KLHL3: variants seen among roughly 807,000 people sequenced by gnomAD.
KLHL3 encodes the protein kelch like family member 3.
KLHL3 carries 19 observed loss-of-function variants against 70.5 expected under a neutral mutation model. The observed-to-expected ratio is 0.27, with a 90% CI of 0.19 to 0.40. KLHL3 has a LOEUF of 0.40. Ranked by LOEUF, KLHL3 falls within the 10% of genes least tolerant of loss-of-function variation. The pLI, the probability that KLHL3 is intolerant of heterozygous loss-of-function variation, is 1.00. For missense variants in KLHL3, 512 were observed against 771.1 expected (o/e 0.66, Z 3.98); for synonymous variants, 258 against 290.3 (o/e 0.89, Z 1.13).
intron 8 of KLHL3, among the ~76,000 whole-genome samples, chr5:137,650,736 C>T (rs943417568): frequency 2.0e-5 from 3 of 151,442 alleles, no homozygotes; most frequent in African/African-American, 7.3e-5. Context: ...GCAGGAGAAT[C>T]GCTTGAACCC....
chr5:137,694,761 C>A (rs1304626764), intron 4 of KLHL3, among the ~76,000 whole-genome samples: 1 of 152,146 alleles, frequency 6.6e-6, no homozygotes, highest in Admixed American at 6.5e-5. Context: ...TCTCAGAAGG[C>A]CCCTCGCTTC....
intron 8 of KLHL3, among the ~76,000 whole-genome samples, chr5:137,655,351 A>C (rs767700457): frequency 6.6e-6 from 1 of 152,218 alleles, no homozygotes; most frequent in Non-Finnish European, 1.5e-5. Context: ...CATCATTTGC[A>C]ATACCAATAA....
intron 1 of KLHL3, among the ~76,000 whole-genome samples, chr5:137,723,563 T>C (rs1209026110): frequency 6.6e-6 from 1 of 152,220 alleles, no homozygotes; most frequent in Non-Finnish European, 1.5e-5. Flanking sequence ...TAAAATGTAG[T>C]TTTTGCAAAT....
chr5:137,733,269 C>G (rs929919881), intron 1 of KLHL3, among the ~76,000 whole-genome samples: 1 of 152,174 alleles, frequency 6.6e-6, no homozygotes, highest in African/African-American at 2.4e-5. Flanking sequence ...AAGTCAGTTA[C>G]CCGTGCTAAG....
At chr5:137,712,325 C>T (rs1344356889) in intron 2 of KLHL3, among the ~76,000 whole-genome samples, 1 of 151,932 alleles carries the variant, frequency 6.6e-6, no homozygotes, top group Non-Finnish European at 1.5e-5. Context: ...GGGAGCCTGA[C>T]AATTTTTGAA....
intron 11 of KLHL3, among the ~76,000 whole-genome samples, chr5:137,635,796 C>T (rs1414156486): frequency 6.6e-6 from 1 of 152,170 alleles, no homozygotes; most frequent in African/African-American, 2.4e-5. Flanking sequence ...GTCAACAGGG[C>T]ATGCTACAAG....
chr5:137,671,013 A>G (rs1395403084), intron 6 of KLHL3, among the ~76,000 whole-genome samples: 1 of 151,712 alleles, frequency 6.6e-6, no homozygotes, highest in African/African-American at 2.4e-5. Flanking sequence ...CCAAACACCT[A>G]TAAACATCTT....
At chr5:137,728,561 A>G (rs1416336062) in intron 1 of KLHL3, among the ~76,000 whole-genome samples, 1 of 152,194 alleles carries the variant, frequency 6.6e-6, no homozygotes, top group East Asian at 1.9e-4. Flanking sequence ...AGAGAAAGCC[A>G]GCAACAACTA....
rs1439332823 is a variant in KLHL3, at chr5:137,625,753, C to G, written c.1735G>C (p.Gly579Arg). Reference protein sequence around the residue: ...TNMSTGRSYAGVAVIHKSL With the variant: ...TNMSTGRSYARVAVIHKSL ...GGGCATGGAGATGGCACACACTGAC[C>G]TGCATAGCTCCGCCCCGTGCTCATG... The change falls in exon 14 of 15, where the codon GGT (glycine) becomes CGT (arginine). Residue 579 changes from glycine (G) to arginine (R), a missense_variant and splice_region_variant. Transcript: ENST00000309755. The G allele has an allele frequency of 6.2e-7, 1 of 1,614,152 alleles. No homozygotes were observed. Among genetic ancestry groups the G allele is most frequent in the Admixed American group, 1.7e-5 (1 of 60,028 alleles).
intron 11 of KLHL3, among the ~76,000 whole-genome samples, chr5:137,636,794 C>T (rs1437147633): frequency 6.6e-6 from 1 of 152,206 alleles, no homozygotes; most frequent in Non-Finnish European, 1.5e-5. Flanking sequence ...ACACAGCTTT[C>T]CTGACTAGAA....
At chr5:137,695,309 T>C (rs1752420714) in intron 4 of KLHL3, among the ~76,000 whole-genome samples, 1 of 152,128 alleles carries the variant, frequency 6.6e-6, no homozygotes, top group South Asian at 2.1e-4. Context: ...CCACACCCCT[T>C]ATCCTGTTTG....
At chr5:137,706,444 C>A in intron 3 of KLHL3, 1 of 925,794 alleles carries the variant, frequency 1.1e-6, no homozygotes, top group East Asian at 1.2e-4. Context: ...TCTTAGATAT[C>A]TTGCTGATGG....
rs149923520 is a variant in KLHL3 at position 137,725,248 on chromosome 5, C to T, written c.15-4664G>A. Among the ~76,000 whole-genome samples, 1,258 of 152,218 alleles carry T rather than the reference C, an allele frequency of 8.3e-3. 20 individuals are homozygous for T. Among genetic ancestry groups the T allele is most frequent in the African/African-American group, 0.029 (1,187 of 41,528 alleles). Reference sequence around the variant, plus strand: ...TCAAGTCTAACACCATACTTTTCACCCTACCCAGACCCAGCCAAAATCACA... The same window carrying T: ...TCAAGTCTAACACCATACTTTTCACTCTACCCAGACCCAGCCAAAATCACA... On this transcript the variant is annotated intron_variant, in intron 1 of 14. Transcript: ENST00000309755.
intron 14 of KLHL3, 79 bp downstream of exon 14, chr5:137,625,674 T>A (rs1750440560): frequency 6.5e-7 from 1 of 1,549,050 alleles, no homozygotes; most frequent in Non-Finnish European, 8.8e-7. Context: ...CATCCCCTCA[T>A]CCCACTGGCC....
chr5:137,690,278 G>A (rs1246195505), intron 5 of KLHL3, among the ~76,000 whole-genome samples: 1 of 151,294 alleles, frequency 6.6e-6, no homozygotes. Flanking sequence ...AGTGAGCCGA[G>A]ATTGCACCAC....
chr5:137,730,911 G>C (rs1035289940), intron 1 of KLHL3, among the ~76,000 whole-genome samples: 2 of 151,752 alleles, frequency 1.3e-5, no homozygotes, highest in Non-Finnish European at 2.9e-5. Flanking sequence ...GACCTGAGAG[G>C]CATTGAACTT....
chr5:137,696,852 G>T (rs896199978), intron 4 of KLHL3, among the ~76,000 whole-genome samples: 2 of 152,188 alleles, frequency 1.3e-5, no homozygotes, highest in Non-Finnish European at 2.9e-5. Flanking sequence ...ATGGGCACAT[G>T]CTTGCTTATA....
chr5:137,724,123 A>G (rs1299201015), intron 1 of KLHL3, among the ~76,000 whole-genome samples: 1 of 152,242 alleles, frequency 6.6e-6, no homozygotes, highest in Non-Finnish European at 1.5e-5. Context: ...TCCTTCGGAT[A>G]AATCTATAAA....
At chr5:137,674,293 GCAGA>G (rs1391502235) in intron 6 of KLHL3, among the ~76,000 whole-genome samples, 1 of 152,076 alleles carries the variant, frequency 6.6e-6, no homozygotes, top group Non-Finnish European at 1.5e-5. Context: ...GCAGCGACAA[GCAGA>G]CAGACAAAAT....
Sources: gnomAD v4.1 joint callset for allele counts (sites outside exome capture counted in the v4.1 genomes callset) on GRCh38, gnomAD v4.1.1 for gene constraint, MANE v1.5 for transcripts, NCBI Gene and HGNC (gene_info 2026-07-23, HGNC 2026-07-21) for gene names.